PDE1C: variants seen among roughly 807,000 people sequenced by gnomAD.
PDE1C encodes the protein dual specificity calcium/calmodulin-dependent 3',5'-cyclic nucleotide phosphodiesterase 1C.
In PDE1C, 62 loss-of-function variants were observed where a neutral mutation model predicts 93.1. The observed-to-expected ratio is 0.67, with a 90% CI of 0.54 to 0.82. PDE1C has a LOEUF of 0.82. Among genes scored for constraint, PDE1C ranks in the 40% least tolerant of loss-of-function variants. The probability of loss-of-function intolerance (pLI) is 0.00; values close to 1 mark genes in which losing one functional copy is unlikely to be tolerated. For synonymous variants in PDE1C, 325 were observed against 310.1 expected (o/e 1.05, Z -0.50); for missense variants, 742 against 884.6 (o/e 0.84, Z 2.04).
At chr7:31,695,431 G>A in the PDE1C span, 2 of 1,562,328 alleles carry the variant, frequency 1.3e-6, no homozygotes, top group East Asian at 2.3e-5. Context: ...CCTTAATCAT[G>A]TTATATTCTT....
intron 8 of PDE1C, among the ~76,000 whole-genome samples, 164 bp downstream of exon 8, chr7:31,850,477 C>T (rs1249065134): frequency 6.6e-6 from 1 of 152,034 alleles, no homozygotes; most frequent in Non-Finnish European, 1.5e-5. Context: ...AACTCTAAGT[C>T]TTGATTGAAG....
chr7:32,070,110 A>AC (rs1394357551), intron 1 of PDE1C, among the ~76,000 whole-genome samples, 183 bp downstream of exon 1: 3 of 152,104 alleles, frequency 2.0e-5, no homozygotes, highest in Non-Finnish European at 4.4e-5. Flanking sequence ...CAGAAAGACA[A>AC]CCCTCTCTGT....
intron 1 of PDE1C, among the ~76,000 whole-genome samples, chr7:32,267,584 A>ACTCTCTCTCTCT (rs756476017): frequency 9.5e-4 from 107 of 113,118 alleles, no homozygotes; most frequent in African/African-American, 3.4e-3. Context: ...ACACACACAC[A>ACTCTCTCTCTCT]CACTCTCTCT....
At chr7:32,302,991 C>A (rs1812915331), upstream of PDE1C, among the ~76,000 whole-genome samples, 1 of 152,212 alleles carries the variant, frequency 6.6e-6, no homozygotes, top group Non-Finnish European at 1.5e-5. Flanking sequence ...TTCATATAAT[C>A]ATTGGCTGCA....
intron 2 of PDE1C, among the ~76,000 whole-genome samples, chr7:31,889,340 T>G (rs1798349966): frequency 6.6e-6 from 1 of 152,202 alleles, no homozygotes; most frequent in African/African-American, 2.4e-5. Context: ...TGCATATGTA[T>G]TTTTATATTC....
At chr7:32,052,394 C>A (rs1200099627) in intron 1 of PDE1C, 1 of 456,160 alleles carries the variant, frequency 2.2e-6, no homozygotes, top group Non-Finnish European at 4.4e-6. Context: ...AGAAAATGGC[C>A]ATAAAATGTA....
intron 2 of PDE1C, among the ~76,000 whole-genome samples, chr7:32,014,513 G>A (rs1348523734): frequency 6.6e-6 from 1 of 151,952 alleles, no homozygotes. Flanking sequence ...ATGCAGGTTT[G>A]TTACACAGGT....
chr7:32,142,040 T>C (rs1320124012), intron 3 of PDE1C, among the ~76,000 whole-genome samples: 2 of 152,006 alleles, frequency 1.3e-5, no homozygotes, highest in African/African-American at 4.8e-5. Context: ...TCTGTGCACT[T>C]ACACCTTCTG....
At chr7:31,682,602 G>A in the PDE1C span, among the ~76,000 whole-genome samples, 1 of 152,106 alleles carries the variant, frequency 6.6e-6, no homozygotes, top group Non-Finnish European at 1.5e-5. Flanking sequence ...TACCATATGG[G>A]CCAGCAATTG....
At chr7:32,047,032 GGTGTGTGT>G (rs60646988) in intron 2 of PDE1C, among the ~76,000 whole-genome samples, 4 of 148,710 alleles carry the variant, frequency 2.7e-5, no homozygotes, top group African/African-American at 5.0e-5. Flanking sequence ...CTGAAATAGG[GGTGTGTGT>G]GTGTGTGTGT....
chr7:31,671,150 G>A, the PDE1C span, among the ~76,000 whole-genome samples: 2 of 152,278 alleles, frequency 1.3e-5, no homozygotes, highest in African/African-American at 4.8e-5. Flanking sequence ...GCCGCAAAAG[G>A]CTGCCACACT....
chr7:32,404,931 T>C (rs1010509405), intron 1 of PDE1C, among the ~76,000 whole-genome samples: 1 of 152,238 alleles, frequency 6.6e-6, no homozygotes, highest in Admixed American at 6.5e-5. Flanking sequence ...CTTTTCTCAC[T>C]TAAAATATCT....
At chr7:31,669,821 TAC>T in the PDE1C span, among the ~76,000 whole-genome samples, 47 of 152,330 alleles carry the variant, frequency 3.1e-4, no homozygotes, top group Admixed American at 1.8e-3. Flanking sequence ...AATTGCTGCC[TAC>T]AGACATTTTG....
chr7:31,633,768 A>G, the PDE1C span, among the ~76,000 whole-genome samples: 1 of 152,206 alleles, frequency 6.6e-6, no homozygotes, highest in African/African-American at 2.4e-5. Flanking sequence ...TAGGAACTTG[A>G]CCATAAAATA....
intron 17 of PDE1C, among the ~76,000 whole-genome samples, chr7:31,759,899 T>C (rs1359725603): frequency 6.6e-6 from 1 of 152,110 alleles, no homozygotes; most frequent in African/African-American, 2.4e-5. Context: ...CCATTCTCTC[T>C]TTCTCTCTCT....
At chr7:31,701,590 T>C in the PDE1C span, among the ~76,000 whole-genome samples, 1 of 152,226 alleles carries the variant, frequency 6.6e-6, no homozygotes, top group Non-Finnish European at 1.5e-5. Context: ...AAAGTTCTGC[T>C]GTGAGTAAAA....
upstream of PDE1C, among the ~76,000 whole-genome samples, chr7:32,072,997 T>C (rs1796149411): frequency 6.6e-6 from 1 of 152,244 alleles, no homozygotes; most frequent in Non-Finnish European, 1.5e-5. Context: ...AGACGAATAA[T>C]GCTGAATTCA....
the PDE1C span, among the ~76,000 whole-genome samples, chr7:31,670,756 C>A: frequency 6.6e-6 from 1 of 152,082 alleles, no homozygotes; most frequent in Non-Finnish European, 1.5e-5. Flanking sequence ...AAAGTGAGAA[C>A]ATAACATTCC....
At chr7:31,686,819 T>C in the PDE1C span, 1 of 152,176 alleles carries the variant, frequency 6.6e-6, no homozygotes, top group African/African-American at 2.4e-5. Context: ...TGATAGTACT[T>C]TGAGAAGCAG....
Sources: allele counts gnomAD v4.1 joint callset (sites outside exome capture counted in the v4.1 genomes callset), GRCh38; gene constraint gnomAD v4.1.1; transcripts MANE v1.5; gene names NCBI Gene and HGNC (gene_info 2026-07-23, HGNC 2026-07-21).